Variants in COMMD4 observed in about 807,000 individuals in gnomAD.
The protein encoded by COMMD4 is COMM domain-containing protein 4.
In COMMD4, 18 loss-of-function variants were observed where a neutral mutation model predicts 27.5. The ratio of observed to expected loss-of-function variants is 0.65; its 90% CI spans 0.45 to 0.97. COMMD4 has a LOEUF of 0.97. Ranked by LOEUF, COMMD4 falls within the 50% of genes least tolerant of loss-of-function variation. COMMD4 has a pLI of 0.00. For synonymous variants in COMMD4, 108 were observed against 108.4 expected, an observed-to-expected ratio of 1.00 and a Z score of 0.02; for missense variants, 243 against 250.0, an observed-to-expected ratio of 0.97 and a Z score of 0.19.
chr15:75,340,629 A>AG (rs1224447483), downstream of COMMD4, among the ~76,000 whole-genome samples: 4 of 151,934 alleles, frequency 2.6e-5, no homozygotes, highest in Admixed American at 2.6e-4. Flanking sequence ...TTAGAGACGG[A>AG]GTTTCGCTCC....
At chr15:75,338,764 C>T (rs2071325956) in intron 4 of COMMD4, 79 bp downstream of exon 4, 1 of 1,506,108 alleles carries the variant, frequency 6.6e-7, no homozygotes, top group Non-Finnish European at 9.1e-7. Context: ...GGGCCCCCCA[C>T]CCCTCCCAGC....
downstream of COMMD4, chr15:75,341,347 A>T (rs1246014485): frequency 6.6e-6 from 1 of 152,302 alleles, no homozygotes; most frequent in Non-Finnish European, 1.5e-5. Context: ...CATGGAGGGT[A>T]CAAGGAGGAC....
chr15:75,338,475 C>T (rs1463080365), intron 3 of COMMD4, 55 bp downstream of exon 3: 1 of 1,600,946 alleles, frequency 6.2e-7, no homozygotes, highest in African/African-American at 1.3e-5. Flanking sequence ...CACCACTGCC[C>T]TGAAACTCTG....
chr15:75,336,407 C>T (rs1240227240), intron 1 of COMMD4: 2 of 772,140 alleles, frequency 2.6e-6, no homozygotes, highest in Non-Finnish European at 3.9e-6. Context: ...TTCAGGTCTT[C>T]CCCATCCCCA....
At position 75,338,043 on chromosome 15, in the gene COMMD4, C is replaced by G; in HGVS notation, c.4-19C>G. 1.9e-6 allele frequency: 3 copies of G among 1,597,500 alleles called. No individual in the cohort carries two copies. The highest frequency in any genetic ancestry group is 1.7e-4 in the Middle Eastern group (1 of 6,044). The stretch of plus-strand genomic sequence containing the variant: ...TCAGGCCTCCCTCCAGCCTGATTAC[C>G]TGCCTCCCTCCCTTGCAGAGGTTCC... On this transcript the variant is annotated intron_variant, in intron 1 of 7. Transcript: ENST00000267935.
chr15:75,340,076 C>T lies in COMMD4; in HGVS notation c.*71C>T, dbSNP rs1210127368. ...GAGTCACGCCCTCTGAACTGCTCTT[C>T]GGGAGGCAGCCCTGGTTCTAGGATG... On this transcript the variant is annotated 3_prime_UTR_variant, in exon 8 of 8. Transcript: ENST00000267935. The T allele has an allele frequency of 2.0e-5, 31 of 1,554,508 alleles. No homozygotes were observed. The highest frequency in any genetic ancestry group is 2.7e-5 in the African/African-American group (2 of 73,430).
At chr15:75,337,106 G>A (rs2071227804) in intron 1 of COMMD4, 1 of 152,290 alleles carries the variant, frequency 6.6e-6, no homozygotes, top group African/African-American at 2.4e-5. Context: ...AAGAAAGGCT[G>A]TTCTGGCTGG....
At chr15:75,336,305 G>C in intron 1 of COMMD4, 7 of 1,433,118 alleles carry the variant, frequency 4.9e-6, no homozygotes, top group South Asian at 1.5e-5. Context: ...AGAGCAGGCC[G>C]GCCGGCTTAG....
downstream of COMMD4, chr15:75,341,805 G>A (rs1449169871): frequency 6.6e-6 from 1 of 152,224 alleles, no homozygotes; most frequent in African/African-American, 2.4e-5. Context: ...GCCAGGTGCA[G>A]TGGCCCATGC....
In COMMD4 at chr15:75,338,182, G is replaced by A. The variant is rs532618970; in HGVS notation, c.75+49G>A. On this transcript the variant is annotated intron_variant, in intron 2 of 7. Coordinates refer to ENST00000267935, the MANE Select transcript of COMMD4 (RefSeq NM_017828.5). ...GGGTGGAGGAGGGGTGTTGGGGGTG[G>A]GGATTGTGGGTGTAGAGGATGGTGA... The A allele has an allele frequency of 1.7e-5, 26 of 1,553,470 alleles. No individual in the cohort carries two copies. In the East Asian group the frequency reaches 5.5e-4, roughly 33 times the overall value.
intron 1 of COMMD4, chr15:75,336,689 G>GGT (rs1233647267): frequency 2.6e-5 from 4 of 155,800 alleles, no homozygotes; most frequent in Admixed American, 2.5e-4. Context: ...GGCTTGAATT[G>GGT]GAGTCATAGC....
At position 75,340,240 on chromosome 15, in the gene COMMD4, A is replaced by C. The variant is rs2071411258; in HGVS notation, c.*235A>C. The C allele has an allele frequency of 1.7e-6, 1 of 574,266 alleles. No homozygotes were observed. Among genetic ancestry groups the C allele is most frequent in the African/African-American group, 1.9e-5 (1 of 53,596 alleles). 35.6% of individuals were successfully genotyped at this position (574,266 alleles called of 1,614,324 possible). On this transcript the variant is annotated 3_prime_UTR_variant, in exon 8 of 8. Transcript: ENST00000267935. ...TGAAAGGCAATTGTTGGCTGTTTTC[A>C]TAAGCAGGAAAAATAAACAGAAGTA...
intron 1 of COMMD4, 131 bp from the exon 2 acceptor site, chr15:75,337,931 A>G: frequency 1.1e-6 from 1 of 895,542 alleles, no homozygotes; most frequent in Non-Finnish European, 1.7e-6. Context: ...AGGGGAGAAC[A>G]AGAGGCCAGA....
rs1595832963 is a variant in COMMD4 at position 75,336,321 on chromosome 15, C to T, written c.3+229C>T. The T allele has an allele frequency of 6.4e-6, 9 of 1,397,030 alleles. No homozygotes were observed. The African/African-American group carries it at 7.3e-5, about 11-fold the overall frequency. The allele number at this position is 1,397,030 out of a possible 1,614,324, so 86.5% of individuals were successfully genotyped here. ...GAGCAGGCCGGCCGGCTTAGAGTCC[C>T]GGTGCTTCCCTGGCGGAAGGAAGGG... is the stretch of plus-strand genomic sequence containing the variant. On this transcript the variant is annotated intron_variant, in intron 1 of 7. Coordinates refer to ENST00000267935, the MANE Select transcript of COMMD4 (RefSeq NM_017828.5).
rs771410357 is a variant in COMMD4, at chr15:75,339,846, T to G, written c.527T>G (p.Leu176Arg). 6.2e-7 allele frequency: 1 copy of G among 1,613,794 alleles called. No homozygotes were observed. Among genetic ancestry groups the G allele is most frequent in the African/African-American group, 1.3e-5 (1 of 75,050 alleles). ...GTPAQPVAMS[L>R]SADKFQVLLA... is the part of the protein sequence containing the mutation. Reference sequence around the variant, plus strand: ...CCAGCCCAGCCTGTTGCCATGTCCCTCTCAGCAGACAAGTTCCAGGTCCTC... The same window carrying G: ...CCAGCCCAGCCTGTTGCCATGTCCCGCTCAGCAGACAAGTTCCAGGTCCTC... Residue 176 changes from leucine to arginine, a missense_variant, in exon 7 of 8, where the codon CTC becomes CGC. Leu to Arg is a moderately radical substitution (Grantham distance 102, BLOSUM62 -2). Coordinates refer to ENST00000267935, the MANE Select transcript of COMMD4 (RefSeq NM_017828.5).
intron 4 of COMMD4, 85 bp downstream of exon 4, chr15:75,338,770 C>G (rs752613960): frequency 8.8e-6 from 13 of 1,478,490 alleles, no homozygotes; most frequent in Non-Finnish European, 1.2e-5. Context: ...CCCACCCCTC[C>G]CAGCAGCATC....
rs760417388 is a variant in COMMD4, at chr15:75,338,763, A to C, written c.181+78A>C. The stretch of plus-strand genomic sequence containing the variant: ...GGTGCCTGGTACAGAGGGGCCCCCC[A>C]CCCCTCCCAGCAGCATCCTTAACTT... On this transcript the variant is annotated intron_variant, in intron 4 of 7. Coordinates refer to ENST00000267935, the MANE Select transcript of COMMD4 (RefSeq NM_017828.5). The C allele has an allele frequency of 1.5e-5, 23 of 1,507,138 alleles. No homozygotes were observed. In the Admixed American group the frequency reaches 4.0e-4, roughly 26 times the overall value. The allele number at this position is 1,507,138 out of a possible 1,614,324, so 93.4% of individuals were successfully genotyped here. A position where few individuals can be genotyped will look rare whatever the true frequency, so the allele number is the denominator to read the frequency against.
At chr15:75,340,867 G>A (rs539807283), downstream of COMMD4, 10 of 147,708 alleles carry the variant, frequency 6.8e-5, no homozygotes, top group African/African-American at 2.3e-4. Flanking sequence ...GGCTGGTCTC[G>A]AACTCCTGAC....
At chr15:75,341,085 G>A (rs777837372), downstream of COMMD4, 2 of 152,366 alleles carry the variant, frequency 1.3e-5, no homozygotes, top group Non-Finnish European at 2.9e-5. Flanking sequence ...CACACCAGAT[G>A]AGGGCCATGT....
Sources: allele counts gnomAD v4.1 joint callset (sites outside exome capture counted in the v4.1 genomes callset), GRCh38; gene constraint gnomAD v4.1.1; transcripts MANE v1.5; gene names NCBI Gene and HGNC (gene_info 2026-07-23, HGNC 2026-07-21).